SMG1: variants seen among roughly 807,000 people sequenced by gnomAD.
SMG1 encodes SMG1 nonsense mediated mRNA decay associated PI3K related kinase.
In SMG1, 22 loss-of-function variants were observed where a neutral mutation model predicts 419.9. The ratio of observed to expected loss-of-function variants is 0.05; its 90% CI spans 0.04 to 0.07. The LOEUF is 0.07. SMG1 is among the 10% of genes least tolerant of loss of function. The probability of loss-of-function intolerance (pLI) is 1.00; values close to 1 mark genes in which losing one functional copy is unlikely to be tolerated. For synonymous variants in SMG1, 1,538 were observed against 1,553.5 expected, an observed-to-expected ratio of 0.99 and a Z score of 0.23; for missense variants, 3,185 against 4,342.0, an observed-to-expected ratio of 0.73 and a Z score of 7.49.
At position 18,907,054 on chromosome 16, in the gene SMG1, C is replaced by T. The variant is rs527498589; in HGVS notation, c.93-10098G>A. Among the ~76,000 whole-genome samples the T allele has an allele frequency of 1.3e-3, 203 of 152,172 alleles. 1 individual carries two copies. Among genetic ancestry groups the T allele is most frequent in the African/African-American group, 4.6e-3 (191 of 41,512 alleles). ...ATCCCAGCACTTTGGGAGGCTGAGG[C>T]GGATGGATCACTTGAGGTCAGGAGT... On this transcript the variant is annotated intron_variant, in intron 1 of 62. Transcript: ENST00000446231.
At chr16:18,924,517 A>G (rs566328762) in intron 1 of SMG1, among the ~76,000 whole-genome samples, 1 of 152,374 alleles carries the variant, frequency 6.6e-6, no homozygotes, top group East Asian at 1.9e-4. Flanking sequence ...TAGATGCCAG[A>G]AAATCAAATT....
rs922915420 is a variant in SMG1 at position 18,808,911 on chromosome 16, GGGA to G, written c.*655_*657del. ...GTAAAGGGGGAACGGGTAAGTGGTG[GGGA>G]GGAGTAGGGAACGATGGGGTGGTTT... is the stretch of plus-strand genomic sequence containing the variant. On this transcript the variant is annotated 3_prime_UTR_variant, in exon 63 of 63. Coordinates refer to ENST00000446231, the MANE Select transcript of SMG1 (RefSeq NM_015092.5). 39 of 152,698 alleles carry G rather than the reference GGGA, an allele frequency of 2.6e-4. No homozygotes were observed. The highest frequency in any genetic ancestry group is 7.9e-4 in the African/African-American group (33 of 41,558). 9.5% of individuals were successfully genotyped at this position (152,698 alleles called of 1,614,324 possible).
intron 30 of SMG1, among the ~76,000 whole-genome samples, chr16:18,854,306 T>A (rs1202984946): frequency 2.0e-5 from 3 of 151,844 alleles, no homozygotes; most frequent in Non-Finnish European, 4.4e-5. Context: ...CAGGCTGGTG[T>A]CAAACTCCTA....
chr16:18,906,535 G>C (rs1018595279), intron 1 of SMG1, among the ~76,000 whole-genome samples: 2 of 152,210 alleles, frequency 1.3e-5, no homozygotes, highest in East Asian at 1.9e-4. Context: ...CCTGATTCTA[G>C]ACCTTACTTA....
At chr16:18,875,379 T>A (rs1463570890) in intron 13 of SMG1, 1 of 152,420 alleles carries the variant, frequency 6.6e-6, no homozygotes, top group Non-Finnish European at 1.5e-5. Context: ...TCACCTGAGG[T>A]CAGGAGTTCA....
intron 3 of SMG1, among the ~76,000 whole-genome samples, chr16:18,894,056 C>CATAAATAAATAA (rs5816014): frequency 3.6e-4 from 52 of 144,640 alleles, no homozygotes; most frequent in East Asian, 6.1e-4. Flanking sequence ...TACTCCATCT[C>CATAAATAAATAA]ATAAATAAAT....
chr16:18,848,892 G>A (rs920562058), intron 36 of SMG1, among the ~76,000 whole-genome samples: 1 of 150,724 alleles, frequency 6.6e-6, no homozygotes, highest in African/African-American at 2.4e-5. Context: ...CCAAGATGGT[G>A]AAACCCCGAC....
At chr16:18,852,483 AT>A in intron 31 of SMG1, 21 bp from the exon 32 acceptor site, 2 of 1,477,290 alleles carry the variant, frequency 1.4e-6, no homozygotes, top group Non-Finnish European at 1.8e-6. Flanking sequence ...GGACAAAAAA[AT>A]AATTATAATA....
intron 46 of SMG1, 55 bp downstream of exon 46, chr16:18,837,198 T>C: frequency 4.9e-6 from 7 of 1,431,560 alleles, no homozygotes; most frequent in East Asian, 2.3e-5. Context: ...TTTACATGAA[T>C]ATGAAAATTC....
At position 18,836,059 on chromosome 16, in the gene SMG1, T is replaced by C; in HGVS notation, c.7931A>G (p.Tyr2644Cys). Reference protein sequence around the residue: ...LRGCLEQLHHYATVALQYPKA... With the variant: ...LRGCLEQLHHCATVALQYPKA... ...CGGATACTGCAGGGCCACGGTTGCATAGTGATGCAGTTGCTCCAGACAGCC... is the reference window on the plus strand; with the variant it reads ...CGGATACTGCAGGGCCACGGTTGCACAGTGATGCAGTTGCTCCAGACAGCC... Residue 2644 changes from tyrosine to cysteine, a missense_variant, in exon 48 of 63, where the codon TAT (tyrosine) becomes TGT (cysteine). Tyr to Cys is a radical substitution (Grantham distance 194, BLOSUM62 -2). This residue lies in a region of SMG1 where 412 missense variants were observed against 546.6 expected (regional missense o/e 0.75). Coordinates refer to ENST00000446231, the MANE Select transcript of SMG1 (RefSeq NM_015092.5). 2 of 1,603,846 alleles carry C rather than the reference T, an allele frequency of 1.2e-6. No individual in the cohort carries two copies. The highest frequency in any genetic ancestry group is 1.3e-5 in the African/African-American group (1 of 74,856).
intron 13 of SMG1, chr16:18,875,185 G>A (rs925857439): frequency 6.6e-6 from 1 of 152,476 alleles, no homozygotes; most frequent in African/African-American, 2.4e-5. Flanking sequence ...GATCAGGTGT[G>A]GGATTTTCCA....
At position 18,876,105 on chromosome 16, in the gene SMG1, A is replaced by G; in HGVS notation, c.1890+19T>C. The G allele has an allele frequency of 6.2e-7, 1 of 1,610,606 alleles. No individual in the cohort carries two copies. Among genetic ancestry groups the G allele is most frequent in the Non-Finnish European group, 8.5e-7 (1 of 1,178,716 alleles). On this transcript the variant is annotated intron_variant, in intron 13 of 62. Transcript: ENST00000446231. ...GCTTAACTGTGGATAAAACAAAGTC[A>G]TTACAATTAAAGACTCACCCCTATT...
chr16:18,870,058 A>T (rs1409710409), intron 18 of SMG1, 64 bp from the exon 19 acceptor site: 2 of 1,068,924 alleles, frequency 1.9e-6, no homozygotes, highest in Non-Finnish European at 2.7e-6. Flanking sequence ...CACATACTGT[A>T]AGTGGATTAT....
At chr16:18,887,191 ATCTT>A (rs1445809537) in intron 6 of SMG1, among the ~76,000 whole-genome samples, 1 of 152,172 alleles carries the variant, frequency 6.6e-6, no homozygotes, top group Non-Finnish European at 1.5e-5. Flanking sequence ...TGGTGCATCT[ATCTT>A]TCTATGAATG....
Position 18,838,486 on chromosome 16 carries a change from A to C in SMG1, c.7085-20T>G. The C allele has an allele frequency of 6.2e-7, 1 of 1,613,974 alleles. No individual in the cohort carries two copies. Among genetic ancestry groups the C allele is most frequent in the African/African-American group, 1.3e-5 (1 of 75,062 alleles). On this transcript the variant is annotated intron_variant, in intron 43 of 62. Transcript: ENST00000446231. ...TTTTACCTTGAAAAGACAAATCATT[A>C]TATTTTTGCCCTTTCACCAAAAAAC...
At chr16:18,892,119 A>G (rs945725370) in intron 4 of SMG1, 99 bp downstream of exon 4, 2 of 858,126 alleles carry the variant, frequency 2.3e-6, no homozygotes, top group Non-Finnish European at 3.8e-6. Flanking sequence ...CGATCATCAT[A>G]ATACAGACTT....
chr16:18,898,746 C>A (rs2037233632), intron 1 of SMG1, among the ~76,000 whole-genome samples: 1 of 152,174 alleles, frequency 6.6e-6, no homozygotes, highest in South Asian at 2.1e-4. Flanking sequence ...CATATCTTCA[C>A]TTCCTGTTTT....
chr16:18,916,214 TG>T (rs2037971427), intron 1 of SMG1, among the ~76,000 whole-genome samples: 1 of 147,188 alleles, frequency 6.8e-6, no homozygotes, highest in African/African-American at 2.5e-5. Context: ...TAATACAAGA[TG>T]GAAAAGAATA....
At chr16:18,905,845 C>G (rs1190675444) in intron 1 of SMG1, among the ~76,000 whole-genome samples, 1 of 152,112 alleles carries the variant, frequency 6.6e-6, no homozygotes, top group Admixed American at 6.5e-5. Flanking sequence ...CTCCTGACCT[C>G]AAGGGATCCA....
Sources: allele counts gnomAD v4.1 joint callset (sites outside exome capture counted in the v4.1 genomes callset), GRCh38; gene constraint gnomAD v4.1.1; regional missense constraint gnomAD v4.1.1; transcripts MANE v1.5; gene names NCBI Gene and HGNC (gene_info 2026-07-23, HGNC 2026-07-21).